SERINC2: variants seen among roughly 807,000 people sequenced by gnomAD.
The protein encoded by SERINC2 is tumor differentially expressed protein 2.
A neutral mutation model predicts 54.2 loss-of-function variants in SERINC2; 56 were observed. The observed-to-expected ratio is 1.03, with a 90% CI of 0.83 to 1.29. The LOEUF is 1.29. Among genes scored for constraint, SERINC2 ranks in the 50% most tolerant of loss-of-function variants. SERINC2 has a pLI of 0.00. For missense variants in SERINC2, 614 were observed against 607.4 expected, an observed-to-expected ratio of 1.01 and a Z score of -0.12; for synonymous variants, 272 against 253.1, an observed-to-expected ratio of 1.07 and a Z score of -0.71.
intron 8 of SERINC2, 119 bp from the exon 9 acceptor site, chr1:31,432,848 G>C (rs908471924): frequency 1.6e-5 from 12 of 731,288 alleles, no homozygotes; most frequent in Non-Finnish European, 2.7e-5. Context: ...AAAGCAGTTT[G>C]TTAACTCCCA....
upstream of SERINC2, chr1:31,413,153 T>TGGGGCGGGGCC (rs1181549837): frequency 7.6e-5 from 76 of 998,024 alleles, no homozygotes; most frequent in African/African-American, 8.4e-4. The surrounding 1 kb of genome is among the most constrained non-coding windows in gnomAD (Gnocchi z 5.0). Flanking sequence ...CTTCGGTAGG[T>TGGGGCGGGGCC]GGGGCGGGGC....
chr1:31,431,794 GAT>G lies in SERINC2; in HGVS notation c.1014-1171_1014-1170del, dbSNP rs1641220528. 5.5e-5 allele frequency among the ~76,000 whole-genome samples: 8 copies of G among 146,612 alleles called. No homozygotes were observed. The South Asian group carries it at 1.3e-3, about 25-fold the overall frequency. ...GAGGGTGAATAGGGTGGATAGGGTG[GAT>G]AGGGTGGACAGGGTGGACAGGGTGG... On this transcript the variant is annotated intron_variant, in intron 8 of 9. Transcript: ENST00000373709.
At chr1:31,417,693 C>T (rs1640812313) in intron 1 of SERINC2, among the ~76,000 whole-genome samples, 1 of 152,086 alleles carries the variant, frequency 6.6e-6, no homozygotes, top group Admixed American at 6.5e-5. Context: ...ACTCCCCAGC[C>T]CCTCGTAACC....
chr1:31,432,201 G>GGGTGGAC, intron 8 of SERINC2, among the ~76,000 whole-genome samples: 1 of 109,044 alleles, frequency 9.2e-6, no homozygotes, highest in Non-Finnish European at 2.0e-5. Flanking sequence ...TTAGAGTGGA[G>GGGTGGAC]AGAGTGGACA....
Position 31,413,213 on chromosome 1 carries a change from G to T in SERINC2, c.-53G>T, listed in dbSNP as rs1396006849. ...GGGCCAGGCCCGGCACCCGGATCCC[G>T]AGGTCCGCGCCCCGCGCCCGGCGCC... On this transcript the variant is annotated 5_prime_UTR_variant, in exon 1 of 10. Transcript: ENST00000373709. The surrounding 1 kb of genome is among the most constrained non-coding windows in gnomAD (Gnocchi z 5.0). 8 of 1,090,556 alleles carry T rather than the reference G, an allele frequency of 7.3e-6. No individual in the cohort carries two copies. The East Asian group carries it at 3.3e-4, about 45-fold the overall frequency. The allele number at this position is 1,090,556 out of a possible 1,614,324, so 67.6% of individuals were successfully genotyped here. A position where few individuals can be genotyped will look rare whatever the true frequency, so the allele number is the denominator to read the frequency against.
chr1:31,429,577 G>T (rs1394180088), intron 8 of SERINC2, 39 bp downstream of exon 8: 3 of 1,556,916 alleles, frequency 1.9e-6, no homozygotes, highest in Non-Finnish European at 2.6e-6. Context: ...GATCATGATT[G>T]AGGGCCCTGA....
chr1:31,434,312 T>C lies in SERINC2; in HGVS notation c.*113T>C. 2 of 1,141,962 alleles carry C rather than the reference T, an allele frequency of 1.8e-6. No homozygotes were observed. Among genetic ancestry groups the C allele is most frequent in the Admixed American group, 2.1e-5 (1 of 48,488 alleles). 70.7% of individuals were successfully genotyped at this position (1,141,962 alleles called of 1,614,324 possible). Reference sequence around the variant, plus strand: ...ATCAGCCAGGCTGAGCCCCCACCCCTGCCCCAGCTCCAGGACCTGCCCCTG... The same window carrying C: ...ATCAGCCAGGCTGAGCCCCCACCCCCGCCCCAGCTCCAGGACCTGCCCCTG... On this transcript the variant is annotated 3_prime_UTR_variant, in exon 10 of 10. Transcript: ENST00000373709.
chr1:31,425,491 C>T, intron 4 of SERINC2, 82 bp downstream of exon 4: 1 of 1,077,152 alleles, frequency 9.3e-7, no homozygotes, highest in Non-Finnish European at 1.4e-6. Flanking sequence ...TGGGGCTGCT[C>T]TTTGCTGGGG....
chr1:31,415,787 G>A (rs782328553), intron 1 of SERINC2: 16 of 881,038 alleles, frequency 1.8e-5, no homozygotes, highest in Non-Finnish European at 2.2e-5. Context: ...GGCAACTTCA[G>A]GAGGGATTTT....
Position 31,434,270 on chromosome 1 carries a change from GC to G in SERINC2, c.*76del. 6.7e-7 allele frequency: 1 copy of G among 1,496,486 alleles called. No homozygotes were observed. The highest frequency in any genetic ancestry group is 9.1e-7 in the Non-Finnish European group (1 of 1,098,282). 92.7% of individuals were successfully genotyped at this position (1,496,486 alleles called of 1,614,324 possible). ...CTCTCGGCTCAGTGACAGCCAACCT[GC>G]CCCCTCCCCACACCAATCAGCCAGG... On this transcript the variant is annotated 3_prime_UTR_variant, in exon 10 of 10. Transcript: ENST00000373709.
intron 9 of SERINC2, among the ~76,000 whole-genome samples, 161 bp downstream of exon 9, chr1:31,433,346 C>T (rs910110558): frequency 6.6e-6 from 1 of 152,158 alleles, no homozygotes; most frequent in Admixed American, 6.5e-5. Flanking sequence ...TTCCCTGCTA[C>T]AGTTTCCCCA....
intron 6 of SERINC2, among the ~76,000 whole-genome samples, chr1:31,427,057 G>A (rs550117237): frequency 4.2e-4 from 64 of 152,284 alleles, no homozygotes; most frequent in African/African-American, 1.5e-3. Context: ...GAGATAATAA[G>A]ACCTACTATT....
chr1:31,432,195 A>AGTGGAGAGAGTGGACAGG (rs1553134762), intron 8 of SERINC2, among the ~76,000 whole-genome samples: 22 of 25,166 alleles, frequency 8.7e-4, no homozygotes, highest in Non-Finnish European at 1.9e-3. Context: ...GGGTGGTTAG[A>AGTGGAGAGAGTGGACAGG]GTGGAGAGAG....
At chr1:31,423,399 C>G (rs1640947576) in intron 1 of SERINC2, among the ~76,000 whole-genome samples, 1 of 151,914 alleles carries the variant, frequency 6.6e-6, no homozygotes, top group African/African-American at 2.4e-5. Context: ...TTTTTTTAAA[C>G]TACTCTCCCT....
At chr1:31,431,868 T>TAGGATGGAG (rs1641237294) in intron 8 of SERINC2, among the ~76,000 whole-genome samples, 1 of 19,366 alleles carries the variant, frequency 5.2e-5, no homozygotes, top group Non-Finnish European at 2.1e-4. Context: ...ATAGGGTGGA[T>TAGGATGGAG]AGGGTGGACA....
At position 31,434,085 on chromosome 1, in the gene SERINC2, G is replaced by T. The variant is rs146608840; in HGVS notation, c.1254G>T (p.Met418Ile). The T allele has an allele frequency of 6.5e-4, 1,054 of 1,613,996 alleles. 4 individuals carry two copies. The African/African-American group carries it at 0.012, about 19-fold the overall frequency. ...CCAGGCCCGGTGAGACCCGGAAGAT[G>T]ATCAGCACGTGGACCGCCGTGTGGG... The part of the protein sequence containing the change: ...NWYKPGETRK[M>I]ISTWTAVWVK... The change falls in exon 10 of 10, where the codon ATG becomes ATT. Residue 418 changes from methionine (M) to isoleucine (I), a missense_variant. Met to Ile is a conservative substitution (Grantham distance 10, BLOSUM62 1). Transcript: ENST00000373709.
Position 31,424,875 on chromosome 1 carries a change from T to C in SERINC2, c.392+2T>C, listed in dbSNP as rs782386273. 1.9e-6 allele frequency: 3 copies of C among 1,609,030 alleles called. No individual in the cohort carries two copies. The highest frequency in any genetic ancestry group is 1.1e-5 in the South Asian group (1 of 90,422). ...CCCCCGGGCTGCCATCCAGAATGGG[T>C]GAGAGAGGGGTCCCTGCCTGCACCC... On this transcript the variant is annotated splice_donor_variant, in intron 3 of 9. Transcript: ENST00000373709. LOFTEE classifies it high-confidence loss of function.
upstream of SERINC2, among the ~76,000 whole-genome samples, chr1:31,412,400 G>A (rs1186848990): frequency 6.6e-6 from 1 of 152,182 alleles, no homozygotes; most frequent in Non-Finnish European, 1.5e-5. Flanking sequence ...CACCAAGCAG[G>A]GGTGGCTGTA....
At chr1:31,431,944 G>A (rs1259380945) in intron 8 of SERINC2, among the ~76,000 whole-genome samples, 18 of 121,216 alleles carry the variant, frequency 1.5e-4, no homozygotes, top group African/African-American at 2.1e-4. Flanking sequence ...GGTGGTTAGG[G>A]TGGTTAGGGT....
Sources: gnomAD v4.1 joint callset for allele counts (sites outside exome capture counted in the v4.1 genomes callset) on GRCh38, gnomAD v4.1.1 for gene constraint, Gnocchi (gnomAD v3.1) non-coding constraint, MANE v1.5 for transcripts, NCBI Gene and HGNC (gene_info 2026-07-23, HGNC 2026-07-21) for gene names.